Variants in MINDY4 observed in about 807,000 individuals in gnomAD.
MINDY4 encodes probable ubiquitin carboxyl-terminal hydrolase MINDY-4.
MINDY4 carries 68 observed loss-of-function variants against 87.0 expected under a neutral mutation model. The observed-to-expected ratio is 0.78, with a 90% CI of 0.64 to 0.96. MINDY4 has a LOEUF of 0.96. Among genes scored for constraint, MINDY4 ranks in the 40% least tolerant of loss-of-function variants. MINDY4 has a pLI of 0.00. For missense variants in MINDY4, 919 were observed against 928.2 expected (o/e 0.99, Z 0.13); for synonymous variants, 379 against 363.2 (o/e 1.04, Z -0.50).
intron 5 of MINDY4, among the ~76,000 whole-genome samples, chr7:30,814,087 G>C (rs188318337): frequency 5.9e-5 from 9 of 152,344 alleles, no homozygotes; most frequent in African/African-American, 2.2e-4. Flanking sequence ...ACCAGCGTCA[G>C]GTTCAGAAGC....
intron 5 of MINDY4, among the ~76,000 whole-genome samples, chr7:30,824,727 C>T (rs1222768113): frequency 2.6e-5 from 4 of 152,204 alleles, no homozygotes; most frequent in Admixed American, 6.5e-5. Context: ...GTGCGTGACA[C>T]CACGCTCAAC....
intron 13 of MINDY4, among the ~76,000 whole-genome samples, chr7:30,860,269 C>T (rs577478433): frequency 1.4e-4 from 22 of 152,168 alleles, no homozygotes; most frequent in Admixed American, 1.0e-3. Context: ...GTCTGGTCGG[C>T]GCCCTCCCTG....
At chr7:30,855,341 G>A (rs964923412) in intron 12 of MINDY4, among the ~76,000 whole-genome samples, 1 of 152,234 alleles carries the variant, frequency 6.6e-6, no homozygotes, top group African/African-American at 2.4e-5. Flanking sequence ...GGAGCAGAAA[G>A]GAGACCTGCT....
intron 6 of MINDY4, among the ~76,000 whole-genome samples, chr7:30,833,820 G>A (rs115381962): frequency 2.0e-3 from 312 of 152,350 alleles, no homozygotes; most frequent in African/African-American, 7.3e-3. Flanking sequence ...AAGGGGCCCA[G>A]GCCCTACGCA....
At chr7:30,875,793 C>A in intron 15 of MINDY4, 137 bp downstream of exon 15, 1 of 954,972 alleles carries the variant, frequency 1.0e-6, no homozygotes, top group Non-Finnish European at 1.5e-6. Flanking sequence ...TCACAGAGGG[C>A]TTGGGAAGAA....
chr7:30,877,910 C>T (rs1027197884), intron 15 of MINDY4, among the ~76,000 whole-genome samples: 2 of 138,560 alleles, frequency 1.4e-5, no homozygotes, highest in African/African-American at 5.3e-5. Flanking sequence ...GAACTCCTGA[C>T]CTCAAGTGAT....
At chr7:30,807,347 A>C (rs12690796) in intron 5 of MINDY4, among the ~76,000 whole-genome samples, 66,885 of 151,980 alleles carry the variant, frequency 0.44, 15,311 homozygotes, top group African/African-American at 0.54. Flanking sequence ...CAGAATTCTC[A>C]CACCCATAGT....
chr7:30,889,818 A>G (rs1356323881), intron 17 of MINDY4, among the ~76,000 whole-genome samples: 1 of 152,172 alleles, frequency 6.6e-6, no homozygotes, highest in Non-Finnish European at 1.5e-5. Context: ...AAGTGTTATC[A>G]TATACCTCTT....
intron 5 of MINDY4, among the ~76,000 whole-genome samples, chr7:30,816,006 C>T (rs1469183214): frequency 6.6e-6 from 1 of 152,006 alleles, no homozygotes; most frequent in Non-Finnish European, 1.5e-5. Flanking sequence ...GCCTACTTAC[C>T]AGGGGCCTTG....
chr7:30,862,561 G>A (rs916235732), intron 13 of MINDY4, among the ~76,000 whole-genome samples: 1 of 152,202 alleles, frequency 6.6e-6, no homozygotes, highest in Non-Finnish European at 1.5e-5. Context: ...TAACAGTTCT[G>A]GGGCTGGAAT....
Position 30,791,676 on chromosome 7 carries a change from T to C in MINDY4, c.1073+102T>C, listed in dbSNP as rs537168510. On this transcript the variant is annotated intron_variant, in intron 5 of 17. Coordinates refer to ENST00000265299, the MANE Select transcript of MINDY4 (RefSeq NM_032222.3). The stretch of plus-strand genomic sequence containing the variant: ...TCCGAAGGGAACTTCTTAGTCTCCT[T>C]GGTCTCTCAGAACAAGCCTGCGAAG... The C allele has an allele frequency of 2.3e-5, 30 of 1,279,384 alleles. No homozygotes were observed. The South Asian group carries it at 4.6e-4, about 20-fold the overall frequency. 79.3% of individuals were successfully genotyped at this position (1,279,384 alleles called of 1,614,324 possible). A position where few individuals can be genotyped will look rare whatever the true frequency, so the allele number is the denominator to read the frequency against.
At chr7:30,891,574 C>T (rs141620195) in intron 17 of MINDY4, among the ~76,000 whole-genome samples, 50 of 152,328 alleles carry the variant, frequency 3.3e-4, no homozygotes, top group African/African-American at 1.2e-3. Context: ...ATATCTAGGA[C>T]TGCACAGGTG....
At chr7:30,826,370 T>C (rs1423605943) in intron 5 of MINDY4, among the ~76,000 whole-genome samples, 5 of 151,930 alleles carry the variant, frequency 3.3e-5, no homozygotes, top group Non-Finnish European at 5.9e-5. Context: ...GCTGGGTGAG[T>C]GAGTGAATAA....
intron 3 of MINDY4, among the ~76,000 whole-genome samples, chr7:30,784,105 A>G (rs1787082097): frequency 1.3e-5 from 2 of 152,088 alleles, no homozygotes; most frequent in African/African-American, 4.8e-5. Flanking sequence ...AGGTGGCACC[A>G]TGACAAGCAA....
At chr7:30,818,908 A>G (rs1788240812) in intron 5 of MINDY4, among the ~76,000 whole-genome samples, 1 of 152,112 alleles carries the variant, frequency 6.6e-6, no homozygotes, top group Non-Finnish European at 1.5e-5. Context: ...TCCTATTGAT[A>G]ATGTTTAGTT....
At chr7:30,810,345 A>G (rs1787951278) in intron 5 of MINDY4, among the ~76,000 whole-genome samples, 1 of 134,270 alleles carries the variant, frequency 7.4e-6, no homozygotes, top group African/African-American at 2.6e-5. Flanking sequence ...AAACTATTGA[A>G]AAAAAAAAAA....
chr7:30,844,120 A>G (rs1246921215), intron 9 of MINDY4, among the ~76,000 whole-genome samples: 1 of 151,980 alleles, frequency 6.6e-6, no homozygotes, highest in Non-Finnish European at 1.5e-5. Flanking sequence ...CTTGTAGCCC[A>G]CCCCTACCGG....
intron 9 of MINDY4, 134 bp from the exon 10 acceptor site, chr7:30,850,319 GC>G: frequency 2.6e-6 from 2 of 766,932 alleles, no homozygotes; most frequent in Non-Finnish European, 4.3e-6. Flanking sequence ...CTCCTGGGCT[GC>G]AGGTGGCCCC....
chr7:30,796,116 C>T (rs1787478025), intron 5 of MINDY4, among the ~76,000 whole-genome samples: 1 of 101,762 alleles, frequency 9.8e-6, no homozygotes, highest in South Asian at 3.3e-4. Context: ...TGTTGGAGCA[C>T]TGTACTTTTT....
Sources: allele counts gnomAD v4.1 joint callset (sites outside exome capture counted in the v4.1 genomes callset), GRCh38; gene constraint gnomAD v4.1.1; transcripts MANE v1.5; gene names NCBI Gene and HGNC (gene_info 2026-07-23, HGNC 2026-07-21).